The following MAD1L1 variants were observed in gnomAD, a reference collection of about 807,000 sequenced individuals.
The protein encoded by MAD1L1 is mitotic spindle assembly checkpoint protein MAD1.
A neutral mutation model predicts 96.9 loss-of-function variants in MAD1L1; 95 were observed. That is an observed-to-expected ratio of 0.98 (90% confidence interval 0.83 to 1.16). MAD1L1 has a LOEUF of 1.16. Among genes scored for constraint, MAD1L1 ranks in the 50% most tolerant of loss-of-function variants. The pLI is 0.00. For synonymous variants in MAD1L1, 473 were observed against 396.6 expected (o/e 1.19, Z -2.29); for missense variants, 1,007 against 954.4 (o/e 1.06, Z -0.73).
At chr7:2,108,975 G>A (rs915360263) in intron 11 of MAD1L1, among the ~76,000 whole-genome samples, 31 of 152,228 alleles carry the variant, frequency 2.0e-4, no homozygotes, top group African/African-American at 6.5e-4. Flanking sequence ...GACCAAACAG[G>A]CGCTACCAAG....
chr7:2,086,465 C>G (rs1202161479), intron 11 of MAD1L1, among the ~76,000 whole-genome samples: 1 of 152,256 alleles, frequency 6.6e-6, no homozygotes, highest in African/African-American at 2.4e-5. Flanking sequence ...GCACAGCCGG[C>G]TGGGGACGGA....
rs548373734 is a variant in MAD1L1 at position 2,120,779 on chromosome 7, C to T, written c.1073+28373G>A. On this transcript the variant is annotated intron_variant, in intron 11 of 18. Coordinates refer to ENST00000265854, the MANE Select transcript of MAD1L1 (RefSeq NM_001013836.2). ...GTGCGGGACAGGAGGCGGGAGGCAGCCTGCGAGCCCCCATGGGAGGAACTC... is the reference window on the plus strand; with the variant it reads ...GTGCGGGACAGGAGGCGGGAGGCAGTCTGCGAGCCCCCATGGGAGGAACTC... 3.3e-5 allele frequency among the ~76,000 whole-genome samples: 5 copies of T among 152,310 alleles called. No individual in the cohort carries two copies. The East Asian group carries it at 7.7e-4, about 24-fold the overall frequency.
chr7:2,195,460 T>G lies in MAD1L1; in HGVS notation c.986+17752A>C, dbSNP rs189938422. Among the ~76,000 whole-genome samples the G allele has an allele frequency of 3.0e-3, 460 of 152,254 alleles. 1 individual carries two copies. The highest frequency in any genetic ancestry group is 5.3e-3 in the Non-Finnish European group (359 of 68,004). On this transcript the variant is annotated intron_variant, in intron 10 of 18. Transcript: ENST00000265854. Reference sequence around the variant, plus strand: ...AAGAGCAAATGGGAATACCAAGAATTGTGTGTCAAAATGTCCTCCAAATAG... The same window carrying G: ...AAGAGCAAATGGGAATACCAAGAATGGTGTGTCAAAATGTCCTCCAAATAG...
At chr7:2,006,418 GA>G (rs1476905821) in intron 13 of MAD1L1, among the ~76,000 whole-genome samples, 6 of 152,298 alleles carry the variant, frequency 3.9e-5, no homozygotes, top group South Asian at 2.1e-4. Flanking sequence ...GGGAGGGTGT[GA>G]GAAGCTCACA....
intron 18 of MAD1L1, among the ~76,000 whole-genome samples, chr7:1,840,725 T>C (rs1458215793): frequency 6.6e-6 from 1 of 152,206 alleles, no homozygotes; most frequent in Non-Finnish European, 1.5e-5. Flanking sequence ...TGAGACTCCA[T>C]CTGACAACAA....
intron 4 of MAD1L1, among the ~76,000 whole-genome samples, 193 bp from the exon 5 acceptor site, chr7:2,222,947 CCAT>C (rs1410101626): frequency 6.6e-6 from 1 of 152,202 alleles, no homozygotes; most frequent in Non-Finnish European, 1.5e-5. Context: ...CGCTGTGGCA[CCAT>C]GACGGTGAGC....
At chr7:2,136,639 G>A (rs1182036897) in intron 11 of MAD1L1, among the ~76,000 whole-genome samples, 3 of 152,212 alleles carry the variant, frequency 2.0e-5, no homozygotes, top group African/African-American at 7.2e-5. Context: ...TCCACAGGCA[G>A]ACTCTGAGCC....
intron 12 of MAD1L1, among the ~76,000 whole-genome samples, chr7:2,039,389 G>A (rs1031770710): frequency 2.6e-5 from 4 of 152,190 alleles, no homozygotes; most frequent in Admixed American, 6.5e-5. Flanking sequence ...CCAGGAATGC[G>A]ACTGCTGGTC....
intron 12 of MAD1L1, among the ~76,000 whole-genome samples, chr7:2,063,788 C>G (rs886603087): frequency 1.3e-5 from 2 of 152,242 alleles, no homozygotes; most frequent in African/African-American, 2.4e-5. Flanking sequence ...CCAGAACACA[C>G]TCCTTCATGA....
chr7:1,921,598 C>A (rs1788799169), intron 17 of MAD1L1, among the ~76,000 whole-genome samples: 1 of 152,126 alleles, frequency 6.6e-6, no homozygotes, highest in South Asian at 2.1e-4. Flanking sequence ...GGATTACAGG[C>A]ATGAGCCACC....
chr7:1,881,683 G>A (rs1320220035), intron 18 of MAD1L1, among the ~76,000 whole-genome samples: 1 of 152,136 alleles, frequency 6.6e-6, no homozygotes, highest in Admixed American at 6.5e-5. Flanking sequence ...ATATAGTGTC[G>A]AAGGGACAGA....
chr7:1,922,233 C>T (rs1006263888), intron 17 of MAD1L1, among the ~76,000 whole-genome samples: 2 of 152,232 alleles, frequency 1.3e-5, no homozygotes, highest in Non-Finnish European at 1.5e-5. Flanking sequence ...GACCTGGCCG[C>T]GCCGCGTCTT....
At chr7:1,940,711 C>A (rs372620939) in intron 16 of MAD1L1, among the ~76,000 whole-genome samples, 3 of 152,240 alleles carry the variant, frequency 2.0e-5, no homozygotes, top group Admixed American at 6.5e-5. Flanking sequence ...GCCCCGCTGA[C>A]GGAGCTGCGG....
intron 10 of MAD1L1, among the ~76,000 whole-genome samples, chr7:2,189,260 T>C (rs1181303219): frequency 6.6e-6 from 1 of 152,220 alleles, no homozygotes; most frequent in African/African-American, 2.4e-5. Flanking sequence ...GAAAGCAATG[T>C]AGTGGCTCCT....
intron 18 of MAD1L1, among the ~76,000 whole-genome samples, chr7:1,886,952 A>G (rs1201413389): frequency 6.6e-6 from 1 of 152,278 alleles, no homozygotes; most frequent in Non-Finnish European, 1.5e-5. Flanking sequence ...CCTGCCCCGC[A>G]GGTTCCTGGT....
chr7:1,939,472 GCACA>G lies in MAD1L1; in HGVS notation c.1597-2579_1597-2576del, dbSNP rs1778835018. On this transcript the variant is annotated intron_variant, in intron 16 of 18. Coordinates refer to ENST00000265854, the MANE Select transcript of MAD1L1 (RefSeq NM_001013836.2). The stretch of plus-strand genomic sequence containing the variant: ...ACTGGATGGGCACCCGGTCCCTCAG[GCACA>G]GACATGACCATGGTCATGACATGGG... 2.5e-3 allele frequency among the ~76,000 whole-genome samples: 4 copies of G among 1,576 alleles called. No individual in the cohort carries two copies. The South Asian group carries it at 0.065, about 26-fold the overall frequency. 1.0% of individuals were successfully genotyped at this position (1,576 alleles called of 152,430 possible). A position where few individuals can be genotyped will look rare whatever the true frequency, so the allele number is the denominator to read the frequency against.
chr7:1,853,776 GGCCCTGCCTCTGCAC>G (rs1784099633), intron 18 of MAD1L1, among the ~76,000 whole-genome samples: 1 of 152,076 alleles, frequency 6.6e-6, no homozygotes, highest in Non-Finnish European at 1.5e-5. Context: ...GCCTGCAAGG[GGCCCTGCCTCTGCAC>G]CCCCTCCCAA....
At chr7:1,864,319 C>T (rs1784670911) in intron 18 of MAD1L1, among the ~76,000 whole-genome samples, 1 of 152,156 alleles carries the variant, frequency 6.6e-6, no homozygotes, top group South Asian at 2.1e-4. Flanking sequence ...TGGCTCCCTG[C>T]AGGGCAGACC....
chr7:2,077,633 T>C (rs1260826899), intron 11 of MAD1L1, among the ~76,000 whole-genome samples: 2 of 152,224 alleles, frequency 1.3e-5, no homozygotes, highest in Admixed American at 1.3e-4. Flanking sequence ...GAACTCTAAC[T>C]GGTGGCCTGG....
Sources: allele counts gnomAD v4.1 joint callset (sites outside exome capture counted in the v4.1 genomes callset), GRCh38; gene constraint gnomAD v4.1.1; transcripts MANE v1.5; gene names NCBI Gene and HGNC (gene_info 2026-07-23, HGNC 2026-07-21).